The following PTPRG variants were observed in gnomAD, a reference collection of about 807,000 sequenced individuals.
The protein encoded by PTPRG is receptor-type tyrosine-protein phosphatase gamma.
In PTPRG, 102 loss-of-function variants were observed where a neutral mutation model predicts 165.3. The observed-to-expected ratio is 0.62, with a 90% CI of 0.53 to 0.73. PTPRG has a LOEUF of 0.73. PTPRG is among the 30% of genes least tolerant of loss of function. The probability of loss-of-function intolerance (pLI) is 0.00; values close to 1 mark genes in which losing one functional copy is unlikely to be tolerated. For missense variants in PTPRG, 1,866 were observed against 1,861.4 expected (o/e 1.00, Z -0.05); for synonymous variants, 675 against 669.5 (o/e 1.01, Z -0.13).
At chr3:61,834,379 G>T (rs754006740) in intron 2 of PTPRG, among the ~76,000 whole-genome samples, 29 of 152,046 alleles carry the variant, frequency 1.9e-4, no homozygotes, top group Non-Finnish European at 3.7e-4. Flanking sequence ...AACTTTGTTT[G>T]CTGTTGAGCT....
At chr3:62,048,300 A>G (rs1487781157) in intron 4 of PTPRG, among the ~76,000 whole-genome samples, 1 of 152,198 alleles carries the variant, frequency 6.6e-6, no homozygotes, top group African/African-American at 2.4e-5. Flanking sequence ...CAGGTGGATA[A>G]TGGGTATTGT....
rs1471676500 is a variant in PTPRG at position 62,224,422 on chromosome 3, G to A, written c.2288+5439G>A. On this transcript the variant is annotated intron_variant, in intron 13 of 29. Coordinates refer to ENST00000474889, the MANE Select transcript of PTPRG (RefSeq NM_002841.4). This position sits in a 1 kb window ranked among gnomAD's most constrained non-coding sequence, Gnocchi z 4.9. ...GTGTAGCAGGGATAGAGAAGTTGAG[G>A]AGGCACCAAGCTCTCAACTGCTTGG... Among the ~76,000 whole-genome samples the A allele has an allele frequency of 1.3e-5, 2 of 152,202 alleles. No individual in the cohort carries two copies. The highest frequency in any genetic ancestry group is 2.9e-5 in the Non-Finnish European group (2 of 68,044).
intron 2 of PTPRG, among the ~76,000 whole-genome samples, chr3:61,877,819 G>A (rs2037785372): frequency 6.6e-6 from 1 of 152,162 alleles, no homozygotes; most frequent in Admixed American, 6.5e-5. Context: ...TGTGTGTTGT[G>A]GAATATATTG....
chr3:61,911,867 A>T (rs1361717347), intron 2 of PTPRG, among the ~76,000 whole-genome samples: 1 of 152,176 alleles, frequency 6.6e-6, no homozygotes, highest in Non-Finnish European at 1.5e-5. Context: ...CAAAAATTGA[A>T]TTTTATAATT....
chr3:61,885,662 CTCTCCT>C (rs2038009899), intron 2 of PTPRG, among the ~76,000 whole-genome samples: 3 of 32,954 alleles, frequency 9.1e-5, no homozygotes, highest in Non-Finnish European at 1.9e-4. Context: ...TCCTTCTCTC[CTCTCCT>C]CTCCTCTCCT....
rs564767854 is a variant in PTPRG, at chr3:61,590,100, T to C, written c.85+27728T>C. ...GCCTAGAGCTTGTGTCCGTGTACCA[T>C]TGGGCACAATCCTTCTCAGGATGGC... On this transcript the variant is annotated intron_variant, in intron 1 of 29. Transcript: ENST00000474889. 9.7e-4 allele frequency among the ~76,000 whole-genome samples: 148 copies of C among 152,038 alleles called. 1 individual carries two copies. The highest frequency in any genetic ancestry group is 3.3e-3 in the African/African-American group (136 of 41,462).
In PTPRG at chr3:61,855,458, T is replaced by C. The variant is rs191782375; in HGVS notation, c.190+106476T>C. Among the ~76,000 whole-genome samples, 48 of 152,216 alleles carry C rather than the reference T, an allele frequency of 3.2e-4. No individual in the cohort carries two copies. The East Asian group carries it at 9.1e-3, about 29-fold the overall frequency. On this transcript the variant is annotated intron_variant, in intron 2 of 29. Transcript: ENST00000474889. Reference sequence around the variant, plus strand: ...TGCCCAAGTCTGGTGGTTTTCAAAGTGTGTTCTGGAATTCTGTGGTTGCTT... The same window carrying C: ...TGCCCAAGTCTGGTGGTTTTCAAAGCGTGTTCTGGAATTCTGTGGTTGCTT...
At chr3:62,155,003 C>T (rs549079378) in intron 6 of PTPRG, among the ~76,000 whole-genome samples, 15 of 152,318 alleles carry the variant, frequency 9.8e-5, no homozygotes, top group Middle Eastern at 3.4e-3. Context: ...AACCAGTCCC[C>T]GCCAAGCATG....
intron 2 of PTPRG, among the ~76,000 whole-genome samples, chr3:61,930,739 G>A (rs1213487466): frequency 6.6e-6 from 1 of 152,044 alleles, no homozygotes; most frequent in Non-Finnish European, 1.5e-5. Context: ...TTATGCTGTC[G>A]AACCACTGTA....
chr3:62,068,507 A>T (rs1345969951), intron 4 of PTPRG, among the ~76,000 whole-genome samples: 1 of 152,104 alleles, frequency 6.6e-6, no homozygotes, highest in Non-Finnish European at 1.5e-5. Flanking sequence ...GCAGAGTCTC[A>T]CTGTGTCACC....
rs1293307352 is a variant in PTPRG, at chr3:62,203,685, T to C, written c.1890T>C (p.Pro630=). 21 of 1,570,402 alleles carry C rather than the reference T, an allele frequency of 1.3e-5. No individual in the cohort carries two copies. Among genetic ancestry groups the C allele is most frequent in the African/African-American group, 2.7e-5 (2 of 74,076 alleles). ...QTEPSPTPSS[P]NRTAEGGHQT... The stretch of plus-strand genomic sequence containing the variant: ...AGCCCAGCCCCACACCCTCGTCTCC[T>C]AACAGGACTGCCGAGGGAGGGCATC... The change falls in exon 12 of 30, where the codon CCT becomes CCC. Residue 630 remains proline, a synonymous_variant. Coordinates refer to ENST00000474889, the MANE Select transcript of PTPRG (RefSeq NM_002841.4). The surrounding 1 kb of genome is among the most constrained non-coding windows in gnomAD (Gnocchi z 6.4).
chr3:62,048,742 T>C (rs1375250363), intron 4 of PTPRG, among the ~76,000 whole-genome samples: 1 of 152,218 alleles, frequency 6.6e-6, no homozygotes, highest in East Asian at 1.9e-4. Context: ...CTATCTAGAA[T>C]CATACAAGTT....
intron 16 of PTPRG, among the ~76,000 whole-genome samples, chr3:62,261,377 T>A (rs898456714): frequency 6.6e-6 from 1 of 152,248 alleles, no homozygotes. Context: ...ATTGCTCATG[T>A]TCTTACGTAG....
At position 61,639,116 on chromosome 3, in the gene PTPRG, C is replaced by T. The variant is rs375806061; in HGVS notation, c.85+76744C>T. On this transcript the variant is annotated intron_variant, in intron 1 of 29. Transcript: ENST00000474889. ...GAAAGGGAGGTGTTCACTTTCATTC[C>T]GCTGCATATGGCTAGCCAGTTATCC... 1.3e-4 allele frequency among the ~76,000 whole-genome samples: 20 copies of T among 152,158 alleles called. No individual in the cohort carries two copies. In the East Asian group the frequency reaches 1.5e-3, roughly 12 times the overall value.
chr3:62,016,618 GTC>G (rs1202095810), intron 4 of PTPRG, among the ~76,000 whole-genome samples: 4 of 152,144 alleles, frequency 2.6e-5, no homozygotes, highest in Non-Finnish European at 4.4e-5. Flanking sequence ...TCTAAAAAAG[GTC>G]TCTCTTGCCC....
intron 1 of PTPRG, among the ~76,000 whole-genome samples, chr3:61,581,806 C>T (rs1285143684): frequency 4.0e-5 from 6 of 151,836 alleles, no homozygotes; most frequent in South Asian, 2.1e-4. Flanking sequence ...GACAGGATTC[C>T]ACCACGTTGG....
chr3:61,699,029 G>A (rs1055864715), intron 1 of PTPRG, among the ~76,000 whole-genome samples: 3 of 151,956 alleles, frequency 2.0e-5, no homozygotes, highest in African/African-American at 7.2e-5. Context: ...GTGGGGTGGG[G>A]GGAGCGGGGA....
intron 2 of PTPRG, among the ~76,000 whole-genome samples, chr3:61,823,054 G>C (rs891842092): frequency 1.3e-4 from 20 of 152,136 alleles, no homozygotes; most frequent in Non-Finnish European, 7.3e-5. Context: ...AGGAGTTCTT[G>C]GGGCACTTAA....
At chr3:61,663,147 A>G (rs1702713117) in intron 1 of PTPRG, among the ~76,000 whole-genome samples, 2 of 152,146 alleles carry the variant, frequency 1.3e-5, no homozygotes, top group Non-Finnish European at 2.9e-5. Flanking sequence ...CTAGTCTCAT[A>G]ACCCGGTCTC....
Sources: gnomAD v4.1 joint callset for allele counts (sites outside exome capture counted in the v4.1 genomes callset) on GRCh38, gnomAD v4.1.1 for gene constraint, Gnocchi (gnomAD v3.1) non-coding constraint, MANE v1.5 for transcripts, NCBI Gene and HGNC (gene_info 2026-07-23, HGNC 2026-07-21) for gene names.